The following PCM1 variants were observed in gnomAD, a reference collection of about 807,000 sequenced individuals.
PCM1 encodes pericentriolar material 1.
A neutral mutation model predicts 241.9 loss-of-function variants in PCM1; 157 were observed. That is an observed-to-expected ratio of 0.65 (90% confidence interval 0.57 to 0.74). PCM1 has a LOEUF of 0.74. Among genes scored for constraint, PCM1 ranks in the 30% least tolerant of loss-of-function variants. PCM1 has a pLI of 0.00. For missense variants in PCM1, 3,478 were observed against 2,360.1 expected, an observed-to-expected ratio of 1.47 and a Z score of -9.81; for synonymous variants, 1,085 against 784.9, an observed-to-expected ratio of 1.38 and a Z score of -6.39.
chr8:18,011,586 C>A, intron 33 of PCM1, 81 bp from the exon 34 acceptor site: 3 of 1,287,978 alleles, frequency 2.3e-6, no homozygotes, highest in Middle Eastern at 2.1e-4. Context: ...GCATCTGTGC[C>A]ATGCAGGAAT....
intron 36 of PCM1, among the ~76,000 whole-genome samples, chr8:18,019,959 T>C (rs751374835): frequency 2.6e-5 from 4 of 151,862 alleles, no homozygotes; most frequent in Non-Finnish European, 5.9e-5. Flanking sequence ...GTTAAGGGAG[T>C]TCATTGGTCT....
chr8:17,960,321 A>G lies in PCM1; in HGVS notation c.2199A>G (p.Lys733=). Residue 733 remains lysine (K), a synonymous_variant, in exon 15 of 39, where the codon AAA becomes AAG. Transcript: ENST00000325083. ...AATGTCAATTTAATTGTAGAGAGAAATTTTATGAGGCTAAACTACAGCAGC... is the reference window on the plus strand; with the variant it reads ...AATGTCAATTTAATTGTAGAGAGAAGTTTTATGAGGCTAAACTACAGCAGC... ...DTGVNEKARE[K]FYEAKLQQQQ... is the part of the protein sequence containing the mutation. The G allele has an allele frequency of 6.3e-7, 1 of 1,590,896 alleles. No homozygotes were observed. Among genetic ancestry groups the G allele is most frequent in the Non-Finnish European group, 8.5e-7 (1 of 1,174,146 alleles).
chr8:18,021,960 C>A (rs544541015), intron 36 of PCM1, among the ~76,000 whole-genome samples: 1 of 152,186 alleles, frequency 6.6e-6, no homozygotes, highest in Admixed American at 6.5e-5. Flanking sequence ...TTTTTGTGAA[C>A]TGCCTACCAG....
intron 35 of PCM1, among the ~76,000 whole-genome samples, chr8:18,014,343 T>C (rs2092907045): frequency 6.6e-6 from 1 of 152,074 alleles, no homozygotes; most frequent in Non-Finnish European, 1.5e-5. Context: ...GCCTTATTAC[T>C]GAAAGTCCTA....
At chr8:17,943,093 G>A (rs966000080) in intron 6 of PCM1, among the ~76,000 whole-genome samples, 5 of 151,582 alleles carry the variant, frequency 3.3e-5, no homozygotes, top group Non-Finnish European at 7.4e-5. Flanking sequence ...ATTGAGTATA[G>A]GTAAGACTAA....
chr8:17,973,386 A>G (rs1266675197), intron 23 of PCM1, among the ~76,000 whole-genome samples: 3 of 152,162 alleles, frequency 2.0e-5, no homozygotes, highest in South Asian at 2.1e-4. Context: ...AGGATGGGCT[A>G]TGGCCTTGAA....
chr8:18,000,436 G>A (rs938769849), intron 29 of PCM1, among the ~76,000 whole-genome samples: 1 of 152,154 alleles, frequency 6.6e-6, no homozygotes. Context: ...GATCAGAAGA[G>A]AAATGATAGT....
At chr8:17,998,782 G>C (rs1399352430) in intron 29 of PCM1, among the ~76,000 whole-genome samples, 2 of 151,876 alleles carry the variant, frequency 1.3e-5, no homozygotes, top group Non-Finnish European at 2.9e-5. Context: ...AGTTCCCCCA[G>C]GTCCCTAATG....
intron 5 of PCM1, among the ~76,000 whole-genome samples, chr8:17,939,378 A>G (rs2061380501): frequency 1.3e-5 from 2 of 152,020 alleles, no homozygotes; most frequent in Admixed American, 1.3e-4. Context: ...TTAATTTATA[A>G]ACATTAGGAA....
intron 27 of PCM1, 58 bp from the exon 28 acceptor site, chr8:17,991,484 G>A: frequency 7.1e-7 from 1 of 1,400,834 alleles, no homozygotes; most frequent in Non-Finnish European, 9.7e-7. Flanking sequence ...GCATTTTGAG[G>A]AATATATGAA....
intron 29 of PCM1, among the ~76,000 whole-genome samples, chr8:17,999,503 C>A (rs548378942): frequency 2.3e-4 from 35 of 152,038 alleles, no homozygotes; most frequent in Non-Finnish European, 4.7e-4. Context: ...TGCCGGTGCC[C>A]TGTTGTAGCT....
intron 36 of PCM1, 69 bp downstream of exon 36, chr8:18,014,909 T>A: frequency 1.5e-6 from 2 of 1,357,308 alleles, no homozygotes; most frequent in East Asian, 2.5e-5. Flanking sequence ...ATTTTCAGAT[T>A]AGCATTCTCC....
intron 30 of PCM1, 75 bp downstream of exon 30, chr8:18,006,472 A>C (rs2091351578): frequency 2.3e-6 from 2 of 877,510 alleles, no homozygotes; most frequent in Non-Finnish European, 3.7e-6. Context: ...TGGGTGAGGC[A>C]TTTTCTTGCA....
At chr8:18,024,350 G>A (rs1159703400) in intron 36 of PCM1, among the ~76,000 whole-genome samples, 1 of 152,148 alleles carries the variant, frequency 6.6e-6, no homozygotes, top group East Asian at 1.9e-4. Flanking sequence ...CTGGGCAACA[G>A]AGTGAGGCCC....
In PCM1 at chr8:17,994,363, C is replaced by G. The variant is rs114624839; in HGVS notation, c.4827+744C>G. On this transcript the variant is annotated intron_variant, in intron 29 of 38. Coordinates refer to ENST00000325083, the MANE Select transcript of PCM1 (RefSeq NM_006197.4). ...TCCATGTTGTTGCAGATGACAAGGT[C>G]TCATTATTTTTTATGGCTGAATAGT... Among the ~76,000 whole-genome samples, 1,161 of 152,258 alleles carry G rather than the reference C, an allele frequency of 7.6e-3. 10 individuals are homozygous for G. Among genetic ancestry groups the G allele is most frequent in the African/African-American group, 0.027 (1,115 of 41,552 alleles).
chr8:17,978,512 C>T (rs1300851215), intron 23 of PCM1, among the ~76,000 whole-genome samples: 1 of 151,868 alleles, frequency 6.6e-6, no homozygotes, highest in Non-Finnish European at 1.5e-5. Flanking sequence ...AAGAACCAAA[C>T]CGACACCAGG....
In PCM1 at chr8:18,014,568, T is replaced by G. The variant is rs778981402; in HGVS notation, c.5585-16T>G. ...TTTTGCATTACACTAATGTTAAGAC[T>G]TTCTTTTGATGACAGATGACCAAAA... On this transcript the variant is annotated splice_polypyrimidine_tract_variant and intron_variant, in intron 35 of 38. Transcript: ENST00000325083. The G allele has an allele frequency of 5.7e-5, 90 of 1,586,002 alleles. No homozygotes were observed. The highest frequency in any genetic ancestry group is 4.2e-4 in the Admixed American group (24 of 56,962).
chr8:17,965,584 A>G (rs2074528721), intron 18 of PCM1, among the ~76,000 whole-genome samples: 2 of 152,238 alleles, frequency 1.3e-5, no homozygotes, highest in South Asian at 4.1e-4. Flanking sequence ...TCTGCCAACA[A>G]AGATGTTATT....
chr8:18,017,574 C>T (rs2093345042), intron 36 of PCM1, among the ~76,000 whole-genome samples: 1 of 152,166 alleles, frequency 6.6e-6, no homozygotes, highest in African/African-American at 2.4e-5. Context: ...CAAGGCTGGG[C>T]CAGGCATGGT....
Sources: allele counts gnomAD v4.1 joint callset (sites outside exome capture counted in the v4.1 genomes callset), GRCh38; gene constraint gnomAD v4.1.1; transcripts MANE v1.5; gene names NCBI Gene and HGNC (gene_info 2026-07-23, HGNC 2026-07-21).